The following KIF21B variants were observed in gnomAD, a reference collection of about 807,000 sequenced individuals.
The protein encoded by KIF21B is kinesin family member 21B.
A neutral mutation model predicts 192.9 loss-of-function variants in KIF21B; 85 were observed. The observed-to-expected ratio is 0.44, with a 90% CI of 0.37 to 0.53. KIF21B has a LOEUF of 0.53. Among genes scored for constraint, KIF21B ranks in the 20% least tolerant of loss-of-function variants. The probability of loss-of-function intolerance (pLI) is 0.00; values close to 1 mark genes in which losing one functional copy is unlikely to be tolerated. For synonymous variants in KIF21B, 832 were observed against 884.6 expected (o/e 0.94, Z 1.05); for missense variants, 1,716 against 2,194.8 (o/e 0.78, Z 4.36).
intron 1 of KIF21B, among the ~76,000 whole-genome samples, chr1:201,009,876 C>T (rs1046197902): frequency 2.6e-5 from 4 of 152,168 alleles, no homozygotes; most frequent in East Asian, 1.9e-4. Flanking sequence ...AAAGTGATGG[C>T]GCCATGTCCA....
intron 26 of KIF21B, among the ~76,000 whole-genome samples, chr1:200,986,538 A>G (rs982687409): frequency 2.0e-5 from 3 of 151,856 alleles, no homozygotes; most frequent in African/African-American, 7.3e-5. Context: ...TTATATTTTT[A>G]GTAGAGATGA....
At position 201,000,195 on chromosome 1, in the gene KIF21B, T is replaced by C. The variant is rs548855281; in HGVS notation, c.1685+195A>G. 6.6e-6 allele frequency among the ~76,000 whole-genome samples: 1 copy of C among 151,962 alleles called. No individual in the cohort carries two copies. Among genetic ancestry groups the C allele is most frequent in the Non-Finnish European group, 1.5e-5 (1 of 67,946 alleles). Reference sequence around the variant, plus strand: ...GGAAAGCAGATGGCATAGGAGAACGTGGGGGAGGGAGGTTGCCCAAAAGGC... The same window carrying C: ...GGAAAGCAGATGGCATAGGAGAACGCGGGGGAGGGAGGTTGCCCAAAAGGC... On this transcript the variant is annotated intron_variant, in intron 11 of 34. Transcript: ENST00000461742. This position sits in a 1 kb window ranked among gnomAD's most constrained non-coding sequence, Gnocchi z 6.0.
At chr1:201,003,314 T>C (rs2102446197) in intron 8 of KIF21B, 2 of 523,286 alleles carry the variant, frequency 3.8e-6, no homozygotes, top group South Asian at 2.0e-5. Context: ...ACAAGATCTA[T>C]GCAACAAAAG....
At chr1:201,021,267 T>G (rs1436866702) in intron 1 of KIF21B, among the ~76,000 whole-genome samples, 1 of 152,142 alleles carries the variant, frequency 6.6e-6, no homozygotes, top group Non-Finnish European at 1.5e-5. Context: ...GTCCAGGCAT[T>G]GTCTGCTGTA....
chr1:201,007,636 A>G (rs1453690489), intron 3 of KIF21B, among the ~76,000 whole-genome samples: 4 of 124,400 alleles, frequency 3.2e-5, no homozygotes, highest in African/African-American at 5.1e-5. Context: ...ACAGACAGGC[A>G]CACACACACA....
chr1:200,985,168 A>G (rs1285161000), intron 26 of KIF21B, among the ~76,000 whole-genome samples, 196 bp from the exon 27 acceptor site: 3 of 152,166 alleles, frequency 2.0e-5, no homozygotes, highest in Non-Finnish European at 4.4e-5. Context: ...CACAGATTCC[A>G]TATTTGGGAA....
At chr1:200,985,924 CA>C in intron 26 of KIF21B, among the ~76,000 whole-genome samples, 1 of 150,724 alleles carries the variant, frequency 6.6e-6, no homozygotes, top group South Asian at 2.1e-4. Context: ...CGGCCCACTG[CA>C]ATCTCCACCT....
In KIF21B at chr1:201,023,465, G is replaced by T; in HGVS notation, c.-82C>A. 3 of 1,081,110 alleles carry T rather than the reference G, an allele frequency of 2.8e-6. No individual in the cohort carries two copies. Among genetic ancestry groups the T allele is most frequent in the Non-Finnish European group, 3.6e-6 (3 of 840,352 alleles). The allele number at this position is 1,081,110 out of a possible 1,614,324, so 67.0% of individuals were successfully genotyped here. A position where few individuals can be genotyped will look rare whatever the true frequency, so the allele number is the denominator to read the frequency against. On this transcript the variant is annotated 5_prime_UTR_variant, in exon 1 of 35. Coordinates refer to ENST00000461742, the MANE Select transcript of KIF21B (RefSeq NM_001252102.2). The surrounding 1 kb of genome is among the most constrained non-coding windows in gnomAD (Gnocchi z 5.9). ...GCCCGAGGCAGCGGCTGCGGCTGCG[G>T]GAGGCGGGGGCGCGGGCGCGGCTGG...
At position 200,991,108 on chromosome 1, in the gene KIF21B, C is replaced by A. The variant is rs774731132; in HGVS notation, c.2496G>T (p.Arg832=). The change falls in exon 18 of 35, where the codon CGG becomes CGT. Residue 832 remains arginine (R), a synonymous_variant. Coordinates refer to ENST00000461742, the MANE Select transcript of KIF21B (RefSeq NM_001252102.2). ...GCTTTAGTCCTGCACGCCCTGCCACCCGCTCAGACATGGGCTTGGCCAGGC... is the reference window on the plus strand; with the variant it reads ...GCTTTAGTCCTGCACGCCCTGCCACACGCTCAGACATGGGCTTGGCCAGGC... The part of the protein sequence containing the change: ...LRRLAKPMSE[R]VAGRAGLKPP... 6.2e-7 allele frequency: 1 copy of A among 1,613,834 alleles called. No individual in the cohort carries two copies. The highest frequency in any genetic ancestry group is 8.5e-7 in the Non-Finnish European group (1 of 1,179,976).
chr1:200,994,152 A>T (rs534184411), intron 15 of KIF21B, among the ~76,000 whole-genome samples: 21 of 152,324 alleles, frequency 1.4e-4, no homozygotes, highest in African/African-American at 4.8e-4. Flanking sequence ...GGTGGCTACC[A>T]CAGAGGCAAA....
chr1:200,996,751 G>A (rs1029961470), intron 14 of KIF21B, among the ~76,000 whole-genome samples: 1 of 152,292 alleles, frequency 6.6e-6, no homozygotes, highest in South Asian at 2.1e-4. Flanking sequence ...GTGGGAAGGG[G>A]AAGAGTTTGC....
chr1:200,973,427 A>G lies in KIF21B; in HGVS notation c.*94T>C. ...AGGGGGCCACGCCCTCTGTCCCCAGAGCAGCTGGCCCCATCGGCCGGGTCA... is the reference window on the plus strand; with the variant it reads ...AGGGGGCCACGCCCTCTGTCCCCAGGGCAGCTGGCCCCATCGGCCGGGTCA... On this transcript the variant is annotated 3_prime_UTR_variant, in exon 35 of 35. Coordinates refer to ENST00000461742, the MANE Select transcript of KIF21B (RefSeq NM_001252102.2). 1 of 1,360,838 alleles carries G rather than the reference A, an allele frequency of 7.3e-7. No homozygotes were observed. The highest frequency in any genetic ancestry group is 9.4e-7 in the Non-Finnish European group (1 of 1,061,174). 84.3% of individuals were successfully genotyped at this position (1,360,838 alleles called of 1,614,324 possible).
chr1:200,991,258 G>T, intron 17 of KIF21B, 109 bp from the exon 18 acceptor site: 1 of 834,760 alleles, frequency 1.2e-6, no homozygotes, highest in Non-Finnish European at 1.9e-6. Context: ...GCTGCTCTGT[G>T]CTGGCCTGGG....
chr1:201,014,832 T>G (rs1293538605), intron 1 of KIF21B, among the ~76,000 whole-genome samples: 1 of 152,254 alleles, frequency 6.6e-6, no homozygotes, highest in Non-Finnish European at 1.5e-5. Flanking sequence ...GTCTTCTCAC[T>G]GACGAGAGGT....
chr1:201,008,867 T>C lies in KIF21B; in HGVS notation c.349A>G (p.Ile117Val). The change falls in exon 3 of 35, where the codon ATC becomes GTC. Residue 117 changes from isoleucine (I) to valine (V), a missense_variant. Ile to Val is a conservative substitution (Grantham distance 29, BLOSUM62 3). Transcript: ENST00000461742. ...EEEQGIIPRAIAHLFGGIAER... is the reference protein window; with the variant it reads ...EEEQGIIPRAVAHLFGGIAER... ...GCAATGCCCCCAAAGAGGTGTGCGA[T>C]GGCCCTCGGGATGATGCCCTGCTCC... 1.9e-6 allele frequency: 3 copies of C among 1,611,414 alleles called. No homozygotes were observed. The highest frequency in any genetic ancestry group is 2.5e-6 in the Non-Finnish European group (3 of 1,179,978).
rs1656362099 is a variant in KIF21B, at chr1:200,987,164, G to A, written c.3446C>T (p.Ser1149Leu). 2 of 1,613,890 alleles carry A rather than the reference G, an allele frequency of 1.2e-6. No homozygotes were observed. Among genetic ancestry groups the A allele is most frequent in the South Asian group, 1.1e-5 (1 of 91,072 alleles). The change falls in exon 25 of 35, where the codon TCG (serine) becomes TTG (leucine). Residue 1149 changes from serine to leucine, a missense_variant. This residue lies in a region of KIF21B where 580 missense variants were observed against 775.5 expected (regional missense o/e 0.75). Coordinates refer to ENST00000461742, the MANE Select transcript of KIF21B (RefSeq NM_001252102.2). ...CAGTGGGGGGCCCAGGCACTCAGCC[G>A]ACACAGCTTTCATTTGGGCAGACAG... The part of the protein sequence containing the change: ...PKLSAQMKAV[S>L]AECLGPPLDI...
rs190128683 is a variant in KIF21B, at chr1:201,005,048, G to A, written c.733-115C>T. On this transcript the variant is annotated intron_variant, in intron 5 of 34. Coordinates refer to ENST00000461742, the MANE Select transcript of KIF21B (RefSeq NM_001252102.2). The stretch of plus-strand genomic sequence containing the variant: ...TGGACGGCCAAGCGCCTTGCCCTTC[G>A]CACATGCAGAGCATCTGACAATGTG... 1.7e-3 allele frequency: 2,038 copies of A among 1,213,902 alleles called. 2 individuals are homozygous for A. Among genetic ancestry groups the A allele is most frequent in the Non-Finnish European group, 2.2e-3 (1,884 of 858,352 alleles). 75.2% of individuals were successfully genotyped at this position (1,213,902 alleles called of 1,614,324 possible).
At chr1:201,014,887 C>T (rs530773435) in intron 1 of KIF21B, among the ~76,000 whole-genome samples, 36 of 152,348 alleles carry the variant, frequency 2.4e-4, no homozygotes, top group Non-Finnish European at 4.0e-4. Context: ...CCAAGAATTT[C>T]TTACAAATAT....
Position 201,007,563 on chromosome 1 carries a change from GAGACACACACAC to G in KIF21B, c.447+1194_447+1205del, listed in dbSNP as rs1445306606. Among the ~76,000 whole-genome samples, 293 of 126,414 alleles carry G rather than the reference GAGACACACACAC, an allele frequency of 2.3e-3. 1 individual carries two copies. Among genetic ancestry groups the G allele is most frequent in the African/African-American group, 8.5e-3 (276 of 32,554 alleles). 82.9% of individuals were successfully genotyped at this position (126,414 alleles called of 152,430 possible). A position where few individuals can be genotyped will look rare whatever the true frequency, so the allele number is the denominator to read the frequency against. On this transcript the variant is annotated intron_variant, in intron 3 of 34. Transcript: ENST00000461742. ...ACACAGACACCCACACACAAACACA[GAGACACACACAC>G]AGACACACACATAGACACAGAGACA...
Sources: allele counts gnomAD v4.1 joint callset (sites outside exome capture counted in the v4.1 genomes callset), GRCh38; gene constraint gnomAD v4.1.1; regional missense constraint gnomAD v4.1.1; non-coding constraint Gnocchi (gnomAD v3.1); transcripts MANE v1.5; gene names NCBI Gene and HGNC (gene_info 2026-07-23, HGNC 2026-07-21).